The following IQSEC1 variants were observed in gnomAD, a reference collection of about 807,000 sequenced individuals.
IQSEC1 encodes IQ motif and Sec7 domain ArfGEF 1, also known as IQ motif and SEC7 domain-containing protein 1.
IQSEC1 carries 31 observed loss-of-function variants against 91.0 expected under a neutral mutation model. That is an observed-to-expected ratio of 0.34 (90% confidence interval 0.26 to 0.46). The LOEUF (loss-of-function observed/expected upper bound fraction) is 0.46. IQSEC1 is among the 20% of genes least tolerant of loss of function. The probability of loss-of-function intolerance (pLI) is 1.00; values close to 1 mark genes in which losing one functional copy is unlikely to be tolerated. For synonymous variants in IQSEC1, 699 were observed against 662.6 expected (o/e 1.05, Z -0.84); for missense variants, 1,388 against 1,575.6 (o/e 0.88, Z 2.02).
At chr3:13,274,736 T>C (rs1695647890) in intron 1 of IQSEC1, among the ~76,000 whole-genome samples, 1 of 151,914 alleles carries the variant, frequency 6.6e-6, no homozygotes, top group African/African-American at 2.4e-5. Flanking sequence ...CTGCTGGGTG[T>C]GCTGCATGGC....
At chr3:13,019,444 C>T (rs1040117497) in intron 1 of IQSEC1, among the ~76,000 whole-genome samples, 8 of 152,218 alleles carry the variant, frequency 5.3e-5, no homozygotes, top group Non-Finnish European at 1.2e-4. Context: ...GCTGTCCGAT[C>T]GCAACCCTCC....
chr3:12,921,579 G>A (rs1245530051), intron 5 of IQSEC1, among the ~76,000 whole-genome samples: 10 of 152,232 alleles, frequency 6.6e-5, no homozygotes, highest in African/African-American at 2.4e-4. Flanking sequence ...TCTTTCTAGG[G>A]TATGTGCTAC....
At chr3:13,271,419 T>C (rs113119706) in intron 1 of IQSEC1, among the ~76,000 whole-genome samples, 10 of 152,178 alleles carry the variant, frequency 6.6e-5, no homozygotes, top group African/African-American at 1.4e-4. Flanking sequence ...AATAATAACC[T>C]TTTGTGCACT....
intron 1 of IQSEC1, among the ~76,000 whole-genome samples, chr3:13,223,659 T>C (rs1169342817): frequency 6.6e-6 from 1 of 152,210 alleles, no homozygotes; most frequent in Non-Finnish European, 1.5e-5. Context: ...CGCAAGTTCC[T>C]GCCCACAAGA....
chr3:13,022,368 T>C (rs1703439077), intron 1 of IQSEC1: 1 of 1,157,244 alleles, frequency 8.6e-7, no homozygotes, highest in South Asian at 4.4e-5. Context: ...CAGACCCTCC[T>C]GGCCAAGCGG....
At position 12,983,981 on chromosome 3, in the gene IQSEC1, T is replaced by G. The variant is rs948885720; in HGVS notation, c.24-42116A>C. On this transcript the variant is annotated intron_variant, in intron 1 of 13. Transcript: ENST00000613206. The surrounding 1 kb of genome is among the most constrained non-coding windows in gnomAD (Gnocchi z 4.3). ...TTCATACGTGGGTTCTGGGGGATAGTAACATGGTAAACAGATGGTCTGCAC... is the reference window on the plus strand; with the variant it reads ...TTCATACGTGGGTTCTGGGGGATAGGAACATGGTAAACAGATGGTCTGCAC... 2.6e-5 allele frequency among the ~76,000 whole-genome samples: 4 copies of G among 152,104 alleles called. No individual in the cohort carries two copies. The highest frequency in any genetic ancestry group is 5.9e-5 in the Non-Finnish European group (4 of 68,008).
chr3:13,007,112 T>C (rs1478646414), intron 1 of IQSEC1, among the ~76,000 whole-genome samples: 4 of 152,260 alleles, frequency 2.6e-5, no homozygotes, highest in Non-Finnish European at 5.9e-5. Context: ...GTGCCCCTAA[T>C]TCACAAGGGT....
At chr3:12,937,894 T>C (rs890091788) in intron 2 of IQSEC1, among the ~76,000 whole-genome samples, 2 of 152,138 alleles carry the variant, frequency 1.3e-5, no homozygotes, top group Non-Finnish European at 2.9e-5. Flanking sequence ...CATTCCTAGA[T>C]GGCTCGTCTG....
intron 1 of IQSEC1, among the ~76,000 whole-genome samples, chr3:13,023,304 C>G (rs536425077): frequency 6.6e-6 from 1 of 152,176 alleles, no homozygotes; most frequent in African/African-American, 2.4e-5. Context: ...CTTGAGCCCC[C>G]ACCCTGGTCT....
intron 2 of IQSEC1, among the ~76,000 whole-genome samples, chr3:13,127,520 A>C (rs541890915): frequency 1.7e-4 from 26 of 152,164 alleles, no homozygotes; most frequent in African/African-American, 6.3e-4. Context: ...TGTCTTGATT[A>C]TTGTAGCTAT....
At chr3:13,128,145 T>C (rs1706549078) in intron 2 of IQSEC1, among the ~76,000 whole-genome samples, 1 of 152,224 alleles carries the variant, frequency 6.6e-6, no homozygotes. Flanking sequence ...TTCCAATCTG[T>C]ATGACTTTTG....
At chr3:13,079,021 C>T (rs556270061) in intron 2 of IQSEC1, among the ~76,000 whole-genome samples, 10 of 152,206 alleles carry the variant, frequency 6.6e-5, no homozygotes, top group African/African-American at 2.2e-4. Flanking sequence ...CAAAGAAGTA[C>T]GATTTAGAGA....
At chr3:13,055,502 T>A (rs560337730) in intron 1 of IQSEC1, among the ~76,000 whole-genome samples, 1 of 152,254 alleles carries the variant, frequency 6.6e-6, no homozygotes, top group East Asian at 1.9e-4. Flanking sequence ...CAGGAGATAT[T>A]CTCCTCCCCA....
At chr3:12,998,621 A>T (rs1030899344) in intron 1 of IQSEC1, among the ~76,000 whole-genome samples, 1 of 152,140 alleles carries the variant, frequency 6.6e-6, no homozygotes, top group Non-Finnish European at 1.5e-5. Context: ...GGTCCCTCTT[A>T]AAAAAATTTT....
intron 2 of IQSEC1, among the ~76,000 whole-genome samples, chr3:13,130,984 A>T (rs1324507430): frequency 6.9e-6 from 1 of 144,234 alleles, no homozygotes; most frequent in Non-Finnish European, 1.5e-5. Context: ...AAAGAAAGAG[A>T]GAGAGAAAGA....
chr3:13,058,743 G>A lies in IQSEC1; in HGVS notation c.23+14249C>T, dbSNP rs573847927. 2.0e-5 allele frequency among the ~76,000 whole-genome samples: 3 copies of A among 152,354 alleles called. No homozygotes were observed. The East Asian group carries it at 5.8e-4, about 29-fold the overall frequency. On this transcript the variant is annotated intron_variant, in intron 1 of 13. Coordinates refer to ENST00000613206, the MANE Select transcript of IQSEC1 (RefSeq NM_001134382.3). ...ATGCATGAGAGGAAGGAGCTGGAAA[G>A]CTCGGTCTGAGTGTGGGGGCTTCTA... is the stretch of plus-strand genomic sequence containing the variant.
At chr3:13,163,046 T>C (rs1362738727) in intron 2 of IQSEC1, among the ~76,000 whole-genome samples, 1 of 152,146 alleles carries the variant, frequency 6.6e-6, no homozygotes, top group East Asian at 1.9e-4. Flanking sequence ...CTCTGCTTCC[T>C]GCGAGACCCT....
In IQSEC1 at chr3:12,938,288, C is replaced by G. The variant is rs1007638667; in HGVS notation, c.319-1591G>C. 3.9e-5 allele frequency among the ~76,000 whole-genome samples: 6 copies of G among 152,328 alleles called. 1 individual carries two copies. In the South Asian group the frequency reaches 1.2e-3, roughly 32 times the overall value. ...TCCTTGCCCTCGAGGAGCGAGGGGT[C>G]TGTCAAGGAGAGCAGGCAGCTGCAG... is the stretch of plus-strand genomic sequence containing the variant. On this transcript the variant is annotated intron_variant, in intron 2 of 13. Coordinates refer to ENST00000613206, the MANE Select transcript of IQSEC1 (RefSeq NM_001134382.3).
At chr3:12,987,661 A>AGGAG (rs1701806659) in intron 1 of IQSEC1, among the ~76,000 whole-genome samples, 1 of 152,248 alleles carries the variant, frequency 6.6e-6, no homozygotes, top group African/African-American at 2.4e-5. Context: ...AAAGGCAGGC[A>AGGAG]GGAGGGAGGG....
Sources: gnomAD v4.1 joint callset for allele counts (sites outside exome capture counted in the v4.1 genomes callset) on GRCh38, gnomAD v4.1.1 for gene constraint, Gnocchi (gnomAD v3.1) non-coding constraint, MANE v1.5 for transcripts, NCBI Gene and HGNC (gene_info 2026-07-23, HGNC 2026-07-21) for gene names.